RBPMS: variants seen among roughly 807,000 people sequenced by gnomAD.
The protein encoded by RBPMS is RNA-binding protein with multiple splicing.
Under a neutral mutation model 26.8 loss-of-function variants are expected in RBPMS, and 7 were observed. That is an observed-to-expected ratio of 0.26 (90% CI 0.15 to 0.49). The LOEUF (loss-of-function observed/expected upper bound fraction) is 0.49. Ranked by LOEUF, RBPMS falls within the 20% of genes least tolerant of loss-of-function variation. The pLI is 0.98. For synonymous variants in RBPMS, 96 were observed against 93.3 expected (o/e 1.03, Z -0.17); for missense variants, 186 against 250.0 (o/e 0.74, Z 1.73).
intron 1 of RBPMS, among the ~76,000 whole-genome samples, chr8:30,467,238 G>A (rs893791413): frequency 5.3e-5 from 8 of 152,212 alleles, no homozygotes; most frequent in African/African-American, 1.4e-4. Context: ...GAAATGAGAT[G>A]ACCAGCAGTC....
intron 5 of RBPMS, among the ~76,000 whole-genome samples, chr8:30,516,802 GAGA>G (rs1283050122): frequency 6.6e-6 from 1 of 152,074 alleles, no homozygotes; most frequent in Admixed American, 6.6e-5. Flanking sequence ...GCTAAAGCAA[GAGA>G]AGGAGTTGAG....
intron 1 of RBPMS, among the ~76,000 whole-genome samples, chr8:30,463,539 G>T (rs1816179870): frequency 6.6e-6 from 1 of 152,216 alleles, no homozygotes. Flanking sequence ...TGCTAAAGAA[G>T]CCAGAATACC....
chr8:30,547,171 T>C (rs1825938586), intron 6 of RBPMS: 2 of 726,052 alleles, frequency 2.8e-6, no homozygotes, highest in East Asian at 2.5e-5. Context: ...TCTCCCCATA[T>C]TGGAGAATTC....
intron 1 of RBPMS, among the ~76,000 whole-genome samples, chr8:30,413,924 T>C (rs1047305614): frequency 5.3e-5 from 8 of 152,190 alleles, no homozygotes; most frequent in Admixed American, 1.3e-4. Flanking sequence ...GTATTTTTAG[T>C]AGAGACAGGG....
rs1391597264 is a variant in RBPMS at position 30,571,086 on chromosome 8, G to A, written c.*561G>A. ...ATATAGAAATCTGTGCCTGGCCGGAGTCCAGGGTAAATTAGTAGCATGGTG... is the reference window on the plus strand; with the variant it reads ...ATATAGAAATCTGTGCCTGGCCGGAATCCAGGGTAAATTAGTAGCATGGTG... On this transcript the variant is annotated 3_prime_UTR_variant, in exon 9 of 9. Transcript: ENST00000397323. 4 of 151,358 alleles carry A rather than the reference G, an allele frequency of 2.6e-5. 1 individual carries two copies. The highest frequency in any genetic ancestry group is 2.6e-4 in the Admixed American group (4 of 15,264). 9.4% of individuals were successfully genotyped at this position (151,358 alleles called of 1,614,324 possible). A position where few individuals can be genotyped will look rare whatever the true frequency, so the allele number is the denominator to read the frequency against.
chr8:30,464,762 G>A (rs554866888), intron 1 of RBPMS, among the ~76,000 whole-genome samples: 5 of 152,266 alleles, frequency 3.3e-5, no homozygotes, highest in African/African-American at 1.2e-4. Context: ...AAAGAGAAAG[G>A]AAGAGAGGTC....
rs113099556 is a variant in RBPMS, at chr8:30,411,112, G to T, written c.66+25954G>T. Among the ~76,000 whole-genome samples the T allele has an allele frequency of 3.1e-3, 471 of 152,206 alleles. 2 individuals carry two copies. The highest frequency in any genetic ancestry group is 5.1e-3 in the Non-Finnish European group (348 of 68,020). On this transcript the variant is annotated intron_variant, in intron 1 of 8. Transcript: ENST00000397323. Reference sequence around the variant, plus strand: ...ACTGTAAAGATCTCTGTCTTATTTCGTACTGGCACTGTAATCACAGTTGCT... The same window carrying T: ...ACTGTAAAGATCTCTGTCTTATTTCTTACTGGCACTGTAATCACAGTTGCT...
intron 4 of RBPMS, among the ~76,000 whole-genome samples, chr8:30,480,477 G>A (rs765400944): frequency 1.3e-5 from 2 of 152,170 alleles, no homozygotes; most frequent in Non-Finnish European, 2.9e-5. Flanking sequence ...GAACAAAAAT[G>A]TGTACACTCT....
chr8:30,554,199 C>T (rs1313759292), intron 6 of RBPMS, among the ~76,000 whole-genome samples: 1 of 152,218 alleles, frequency 6.6e-6, no homozygotes, highest in East Asian at 1.9e-4. Flanking sequence ...TCTGTAGCTG[C>T]TCCATGTACA....
chr8:30,554,178 G>C (rs1022388778), intron 6 of RBPMS, among the ~76,000 whole-genome samples: 1 of 152,246 alleles, frequency 6.6e-6, no homozygotes, highest in Admixed American at 6.5e-5. Flanking sequence ...ACTAGGGAAG[G>C]TGAGAGAAAA....
intron 7 of RBPMS, among the ~76,000 whole-genome samples, chr8:30,563,594 C>G (rs1374883077): frequency 6.6e-6 from 1 of 152,166 alleles, no homozygotes; most frequent in East Asian, 1.9e-4. Flanking sequence ...GTAGTTACAG[C>G]CTCCCCAGAT....
intron 1 of RBPMS, among the ~76,000 whole-genome samples, chr8:30,392,666 C>A (rs1276478582): frequency 6.6e-6 from 1 of 152,164 alleles, no homozygotes; most frequent in Non-Finnish European, 1.5e-5. Flanking sequence ...GCAGTGGCAA[C>A]TGAGGCAGAG....
At chr8:30,537,709 C>G (rs1824945549) in intron 5 of RBPMS, 1 of 452,358 alleles carries the variant, frequency 2.2e-6, no homozygotes, top group East Asian at 7.0e-5. Context: ...CGCTGTGTCT[C>G]AGCTTTCTCA....
chr8:30,436,030 G>A (rs755038761), intron 1 of RBPMS, among the ~76,000 whole-genome samples: 26 of 152,320 alleles, frequency 1.7e-4, no homozygotes, highest in South Asian at 4.1e-4. Context: ...TTGGGGGAAT[G>A]TGGGTAAGTA....
At chr8:30,426,920 G>C (rs1811427206) in intron 1 of RBPMS, among the ~76,000 whole-genome samples, 3 of 152,012 alleles carry the variant, frequency 2.0e-5, no homozygotes, top group Non-Finnish European at 4.4e-5. Flanking sequence ...AGAGTATATG[G>C]CAATTCAACA....
intron 5 of RBPMS, among the ~76,000 whole-genome samples, chr8:30,511,480 A>T (rs1191956926): frequency 5.7e-3 from 94 of 16,480 alleles, no homozygotes; most frequent in African/African-American, 0.025. Context: ...AGAAAAAAAA[A>T]AAAAAAATAT....
rs527979497 is a variant in RBPMS, at chr8:30,538,220, TG to T, written c.398-6271del. The stretch of plus-strand genomic sequence containing the variant: ...CAAAAACCGCCATGGTAATTAGTGC[TG>T]GGTGGTGGAAAACACCTCCTTTGAG... On this transcript the variant is annotated intron_variant, in intron 5 of 8. Transcript: ENST00000397323. 1.4e-4 allele frequency among the ~76,000 whole-genome samples: 21 copies of T among 152,248 alleles called. No individual in the cohort carries two copies. In the South Asian group the frequency reaches 2.9e-3, roughly 21 times the overall value.
chr8:30,547,203 A>G (rs2151056624), intron 6 of RBPMS: 1 of 907,780 alleles, frequency 1.1e-6, no homozygotes, highest in South Asian at 1.5e-5. Context: ...TGGAAATCTT[A>G]TAATGTCTTT....
chr8:30,519,012 G>A (rs1822701651), intron 5 of RBPMS, among the ~76,000 whole-genome samples: 2 of 152,024 alleles, frequency 1.3e-5, no homozygotes, highest in South Asian at 4.2e-4. Context: ...GGAAGAAGGA[G>A]GGGCATGTTT....
Sources: allele counts gnomAD v4.1 joint callset (sites outside exome capture counted in the v4.1 genomes callset), GRCh38; gene constraint gnomAD v4.1.1; transcripts MANE v1.5; gene names NCBI Gene and HGNC (gene_info 2026-07-23, HGNC 2026-07-21).